Variants in PDLIM1 observed in about 807,000 individuals in gnomAD.
PDLIM1 encodes the protein PDZ and LIM domain protein 1.
PDLIM1 carries 25 observed loss-of-function variants against 35.2 expected under a neutral mutation model. That is an observed-to-expected ratio of 0.71 (90% CI 0.52 to 0.99). The LOEUF (loss-of-function observed/expected upper bound fraction) is 0.99. Among genes scored for constraint, PDLIM1 ranks in the 50% least tolerant of loss-of-function variants. The pLI, the probability that PDLIM1 is intolerant of heterozygous loss-of-function variation, is 0.00. For missense variants in PDLIM1, 363 were observed against 415.3 expected, an observed-to-expected ratio of 0.87 and a Z score of 1.09; for synonymous variants, 152 against 154.0, an observed-to-expected ratio of 0.99 and a Z score of 0.10.
chr10:95,269,597 G>GC (rs1352929245), intron 2 of PDLIM1, among the ~76,000 whole-genome samples: 1 of 149,324 alleles, frequency 6.7e-6, no homozygotes, highest in African/African-American at 2.5e-5. Flanking sequence ...AGAGAAGAAC[G>GC]CCCCTCTTTT....
chr10:95,272,366 T>C (rs1465106535), intron 1 of PDLIM1, among the ~76,000 whole-genome samples: 1 of 152,198 alleles, frequency 6.6e-6, no homozygotes, highest in African/African-American at 2.4e-5. Flanking sequence ...TACAATAATA[T>C]TGAATTACTT....
intron 5 of PDLIM1, among the ~76,000 whole-genome samples, chr10:95,244,176 C>T (rs1051312961): frequency 1.3e-5 from 2 of 152,004 alleles, no homozygotes; most frequent in Admixed American, 6.6e-5. Context: ...GAATTTGATC[C>T]AGAACAAGAT....
intron 1 of PDLIM1, among the ~76,000 whole-genome samples, chr10:95,280,644 T>C (rs1046606074): frequency 1.4e-4 from 22 of 152,204 alleles, no homozygotes; most frequent in African/African-American, 4.6e-4. Context: ...ACCAAATATT[T>C]GTCAAATGGT....
intron 4 of PDLIM1, among the ~76,000 whole-genome samples, chr10:95,250,941 A>C (rs1353720275): frequency 1.3e-5 from 2 of 152,194 alleles, no homozygotes; most frequent in African/African-American, 4.8e-5. Flanking sequence ...TCCCTGCCAA[A>C]TAAGATGGCT....
At chr10:95,277,461 G>A (rs191146142) in intron 1 of PDLIM1, among the ~76,000 whole-genome samples, 2 of 152,028 alleles carry the variant, frequency 1.3e-5, no homozygotes, top group Non-Finnish European at 2.9e-5. Flanking sequence ...CCAACATGGT[G>A]AAACCCTATC....
chr10:95,242,352 T>A (rs2035186034), intron 5 of PDLIM1, among the ~76,000 whole-genome samples: 1 of 152,118 alleles, frequency 6.6e-6, no homozygotes, highest in African/African-American at 2.4e-5. Context: ...TAAATGTCAT[T>A]TTTTTTCATG....
Position 95,290,876 on chromosome 10 carries a change from A to G in PDLIM1, c.40T>C (p.Trp14Arg). 6.4e-7 allele frequency: 1 copy of G among 1,564,782 alleles called. No individual in the cohort carries two copies. The highest frequency in any genetic ancestry group is 8.7e-7 in the Non-Finnish European group (1 of 1,155,402). Residue 14 changes from tryptophan (W) to arginine (R), a missense_variant, in exon 1 of 7, where the codon TGG becomes CGG. Physicochemically the swap from Trp to Arg is moderately radical, Grantham distance 101 (BLOSUM62 -3). Transcript: ENST00000329399. The surrounding 1 kb of genome is among the most constrained non-coding windows in gnomAD (Gnocchi z 4.7). ...TTGCCGCCCACGAGGCGGAAGCCCC[A>G]CGGCCCCGGGCCCTGGAGGTCTATC... ...QQIDLQGPGPWGFRLVGGKDF... is the reference protein window; with the variant it reads ...QQIDLQGPGPRGFRLVGGKDF...
intron 3 of PDLIM1, 41 bp from the exon 4 acceptor site, chr10:95,264,104 A>C: frequency 6.5e-7 from 1 of 1,540,540 alleles, no homozygotes; most frequent in Non-Finnish European, 9.0e-7. Flanking sequence ...GGGGGCATCC[A>C]ATGCAAACCC....
At chr10:95,265,412 T>A (rs995583540) in intron 3 of PDLIM1, among the ~76,000 whole-genome samples, 5 of 151,590 alleles carry the variant, frequency 3.3e-5, no homozygotes, top group African/African-American at 1.2e-4. Context: ...CTGACCAACA[T>A]GGAGAAACCT....
At chr10:95,250,848 T>C (rs2035261937) in intron 4 of PDLIM1, among the ~76,000 whole-genome samples, 1 of 152,238 alleles carries the variant, frequency 6.6e-6, no homozygotes, top group South Asian at 2.1e-4. Context: ...TGTGTATCTG[T>C]TTCCTAAATG....
At chr10:95,268,628 GA>G (rs1332152536) in intron 3 of PDLIM1, 149 bp downstream of exon 3, 20 of 649,106 alleles carry the variant, frequency 3.1e-5, no homozygotes, top group African/African-American at 1.8e-5. Flanking sequence ...CTTACGGGAA[GA>G]ACTGAACAAG....
chr10:95,273,238 C>A (rs2035480200), intron 1 of PDLIM1: 1 of 152,150 alleles, frequency 6.6e-6, no homozygotes, highest in Admixed American at 6.5e-5. Flanking sequence ...GGGCTCTGGC[C>A]ACCCTTTGGA....
At chr10:95,246,629 C>T in intron 5 of PDLIM1, among the ~76,000 whole-genome samples, 1 of 152,086 alleles carries the variant, frequency 6.6e-6, no homozygotes, top group East Asian at 1.9e-4. Context: ...GAGTTTTATC[C>T]CTGATGGACA....
chr10:95,278,494 G>T (rs927069112), intron 1 of PDLIM1, among the ~76,000 whole-genome samples: 2 of 152,000 alleles, frequency 1.3e-5, no homozygotes, highest in African/African-American at 4.8e-5. Flanking sequence ...TGTTGTGCTA[G>T]AACCAACAAG....
chr10:95,288,340 T>C (rs2035619648), intron 1 of PDLIM1, among the ~76,000 whole-genome samples: 1 of 152,200 alleles, frequency 6.6e-6, no homozygotes, highest in Admixed American at 6.5e-5. Context: ...CAGCCTAATT[T>C]TATGGTTTGC....
intron 5 of PDLIM1, among the ~76,000 whole-genome samples, chr10:95,241,021 C>T (rs34442634): frequency 0.16 from 23,818 of 152,156 alleles, 2,192 homozygotes; most frequent in Middle Eastern, 0.43. Flanking sequence ...AGTTCCCAGG[C>T]GCCACTGATC....
At chr10:95,273,995 AAGG>A (rs1439178375) in intron 1 of PDLIM1, among the ~76,000 whole-genome samples, 1 of 152,212 alleles carries the variant, frequency 6.6e-6, no homozygotes, top group Non-Finnish European at 1.5e-5. Context: ...AGCCTGAATC[AAGG>A]AGAATAATGC....
chr10:95,283,995 G>C (rs899272886), intron 1 of PDLIM1, among the ~76,000 whole-genome samples: 274 of 152,104 alleles, frequency 1.8e-3, no homozygotes, highest in Non-Finnish European at 3.5e-3. Context: ...GTGTGTGTGT[G>C]TGTGTGTGTG....
chr10:95,274,326 T>C (rs888598606), intron 1 of PDLIM1, among the ~76,000 whole-genome samples: 1 of 143,866 alleles, frequency 7.0e-6, no homozygotes, highest in African/African-American at 2.6e-5. Flanking sequence ...GGAGTTTCGC[T>C]CTTGTTGACC....
Sources: allele counts gnomAD v4.1 joint callset (sites outside exome capture counted in the v4.1 genomes callset), GRCh38; gene constraint gnomAD v4.1.1; non-coding constraint Gnocchi (gnomAD v3.1); transcripts MANE v1.5; gene names NCBI Gene and HGNC (gene_info 2026-07-23, HGNC 2026-07-21).